ZDHHC11: variants seen among roughly 807,000 people sequenced by gnomAD.
ZDHHC11 encodes the protein palmitoyltransferase ZDHHC11.
In ZDHHC11, 44 loss-of-function variants were observed where a neutral mutation model predicts 51.3. The observed-to-expected ratio is 0.86, with a 90% CI of 0.67 to 1.10. ZDHHC11 has a LOEUF of 1.10. ZDHHC11 is among the 50% of genes least tolerant of loss of function. The pLI is 0.00. For missense variants in ZDHHC11, 400 were observed against 537.7 expected (o/e 0.74, Z 2.53); for synonymous variants, 163 against 222.0 (o/e 0.73, Z 2.36).
At chr5:851,821 C>G (rs552854812), upstream of ZDHHC11, among the ~76,000 whole-genome samples, 1 of 152,176 alleles carries the variant, frequency 6.6e-6, no homozygotes, top group Non-Finnish European at 1.5e-5. Flanking sequence ...TGTGGGAAGC[C>G]GAGGCGTGCC....
chr5:856,659 G>A (rs1262132882), intron 1 of ZDHHC11, among the ~76,000 whole-genome samples: 1 of 143,266 alleles, frequency 7.0e-6, no homozygotes, highest in East Asian at 2.1e-4. Context: ...CACACTGCAC[G>A]TGCACCACGT....
chr5:822,359 C>T lies in ZDHHC11; in HGVS notation c.1024-464G>A, dbSNP rs553784160. 3.3e-3 allele frequency among the ~76,000 whole-genome samples: 494 copies of T among 151,472 alleles called. 15 individuals carry two copies. Among genetic ancestry groups the T allele is most frequent in the African/African-American group, 4.4e-3 (181 of 41,304 alleles). ...TGGGAGAAACCAACCCTGCAGACAC[C>T]GTGCTCTGGGACTTCCAGCCTGCAG... is the stretch of plus-strand genomic sequence containing the variant. On this transcript the variant is annotated intron_variant, in intron 8 of 12. Transcript: ENST00000283441.
chr5:810,401 G>T (rs758638673), intron 11 of ZDHHC11, among the ~76,000 whole-genome samples: 1 of 151,300 alleles, frequency 6.6e-6, no homozygotes, highest in African/African-American at 2.4e-5. Context: ...CAGCAAACAC[G>T]CAGACCAGAA....
At chr5:806,796 T>TC (rs11398642) in intron 11 of ZDHHC11, among the ~76,000 whole-genome samples, 32,736 of 150,164 alleles carry the variant, frequency 0.22, 5,094 homozygotes, top group African/African-American at 0.46. Flanking sequence ...ATGAGGGAAA[T>TC]ACTGAAGAAG....
intron 10 of ZDHHC11, chr5:817,033 G>A: frequency 4.7e-6 from 1 of 212,454 alleles, no homozygotes; most frequent in Non-Finnish European, 1.0e-5. Context: ...CTGAATTACT[G>A]CCCTGGGGGG....
rs1210027816 is a variant in ZDHHC11 at position 836,861 on chromosome 5, G to A, written c.900+504C>T. Among the ~76,000 whole-genome samples the A allele has an allele frequency of 1.3e-4, 19 of 149,814 alleles. 2 individuals carry two copies. The highest frequency in any genetic ancestry group is 3.0e-5 in the Non-Finnish European group (2 of 67,200). Reference sequence around the variant, plus strand: ...GGATCACCTGAGGCCAGAAGTTTGAGACCAGCCTGGCGTGTTAAAACCACA... The same window carrying A: ...GGATCACCTGAGGCCAGAAGTTTGAAACCAGCCTGGCGTGTTAAAACCACA... On this transcript the variant is annotated intron_variant, in intron 6 of 12. Coordinates refer to ENST00000283441, the MANE Select transcript of ZDHHC11 (RefSeq NM_024786.3).
intron 11 of ZDHHC11, among the ~76,000 whole-genome samples, chr5:804,767 T>C (rs1249909237): frequency 6.6e-6 from 1 of 151,222 alleles, no homozygotes. Context: ...AATCTATCCT[T>C]CCAGAATAAA....
chr5:815,081 T>A (rs1740603252), intron 10 of ZDHHC11, among the ~76,000 whole-genome samples: 2 of 151,304 alleles, frequency 1.3e-5, no homozygotes, highest in African/African-American at 4.8e-5. Flanking sequence ...AGGTAATGGA[T>A]GTTAGATGAG....
At chr5:841,783 A>AGGCAAGGCAGAATGGCAGAGGGTGG in intron 4 of ZDHHC11, 6 of 995,932 alleles carry the variant, frequency 6.0e-6, no homozygotes, top group Non-Finnish European at 7.2e-6. Flanking sequence ...GCAGAGGGCC[A>AGGCAAGGCAGAATGGCAGAGGGTGG]GGCAAGGCAG....
intron 7 of ZDHHC11, among the ~76,000 whole-genome samples, chr5:831,713 T>C (rs1241502416): frequency 2.0e-5 from 3 of 150,248 alleles, no homozygotes; most frequent in African/African-American, 4.9e-5. Context: ...CATCACTAAT[T>C]AACAGGGAAA....
In ZDHHC11 at chr5:802,515, T is replaced by G. The variant is rs761482539; in HGVS notation, c.1182-1351A>C. The stretch of plus-strand genomic sequence containing the variant: ...TGTTGTAAAAGTGTGTAAGTATGTA[T>G]ATAAAAATGGAGAGGAAGTTTACCT... On this transcript the variant is annotated intron_variant, in intron 11 of 12. Transcript: ENST00000283441. Among the ~76,000 whole-genome samples the G allele has an allele frequency of 7.9e-5, 12 of 151,110 alleles. 1 individual carries two copies. Among genetic ancestry groups the G allele is most frequent in the African/African-American group, 2.9e-4 (12 of 41,226 alleles).
At chr5:831,862 T>C (rs1743123508) in intron 7 of ZDHHC11, among the ~76,000 whole-genome samples, 1 of 148,266 alleles carries the variant, frequency 6.7e-6, no homozygotes, top group East Asian at 2.0e-4. Flanking sequence ...TGTAAACTAG[T>C]ACAACTACTA....
At chr5:858,305 C>CCGTCCTGTCTTT (rs1748565320) in intron 1 of ZDHHC11, among the ~76,000 whole-genome samples, 19 of 140,666 alleles carry the variant, frequency 1.4e-4, no homozygotes, top group Non-Finnish European at 2.0e-4. Flanking sequence ...GTCCAGGTCC[C>CCGTCCTGTCTTT]AACCCTGTCT....
intron 11 of ZDHHC11, among the ~76,000 whole-genome samples, chr5:804,398 C>T (rs1738946850): frequency 6.6e-6 from 1 of 151,042 alleles, no homozygotes; most frequent in African/African-American, 2.4e-5. Context: ...GGAACGTATC[C>T]CCCACAGATA....
intron 1 of ZDHHC11, 120 bp from the exon 2 acceptor site, chr5:848,780 C>T: frequency 1.4e-6 from 2 of 1,417,452 alleles, no homozygotes; most frequent in Non-Finnish European, 1.9e-6. Context: ...CCCAGCCCTG[C>T]ACACGTGAGC....
At chr5:816,624 C>T in intron 10 of ZDHHC11, 1 of 627,734 alleles carries the variant, frequency 1.6e-6, no homozygotes, top group Non-Finnish European at 3.1e-6. Flanking sequence ...TGTTGCTTTG[C>T]CATAGTGGCT....
chr5:814,462 T>G lies in ZDHHC11; in HGVS notation c.1181+299A>C, dbSNP rs1012052871. Among the ~76,000 whole-genome samples, 31 of 151,472 alleles carry G rather than the reference T, an allele frequency of 2.0e-4. 1 individual carries two copies. The highest frequency in any genetic ancestry group is 1.9e-3 in the Admixed American group (29 of 15,208). ...TCTCAATGAAACACTATTAGAAACA[T>G]TAAAAAACATTCAGGCTGACAACAT... On this transcript the variant is annotated intron_variant, in intron 11 of 12. Coordinates refer to ENST00000283441, the MANE Select transcript of ZDHHC11 (RefSeq NM_024786.3).
Position 840,601 on chromosome 5 carries a change from C to T in ZDHHC11, c.678G>A (p.Val226=). 7 of 1,613,916 alleles carry T rather than the reference C, an allele frequency of 4.3e-6. No homozygotes were observed. The highest frequency in any genetic ancestry group is 5.9e-6 in the Non-Finnish European group (7 of 1,179,876). The change falls in exon 5 of 13, where the codon GTG becomes GTA. Residue 226 remains valine, a synonymous_variant. Coordinates refer to ENST00000283441, the MANE Select transcript of ZDHHC11 (RefSeq NM_024786.3). ...TCACGACTATCAGGGTCTGCACCTG[C>T]ACCGGGAACAGGGGGAGGAACAGCA... ...TWLLFLPLFP[V]QVQTLIVVII...
intron 7 of ZDHHC11, among the ~76,000 whole-genome samples, chr5:827,875 A>G (rs1742501618): frequency 6.6e-6 from 1 of 151,118 alleles, no homozygotes; most frequent in African/African-American, 2.4e-5. Flanking sequence ...TCCTAGGCAG[A>G]GGACCCAGCG....
Sources: gnomAD v4.1 joint callset for allele counts (sites outside exome capture counted in the v4.1 genomes callset) on GRCh38, gnomAD v4.1.1 for gene constraint, MANE v1.5 for transcripts, NCBI Gene and HGNC (gene_info 2026-07-23, HGNC 2026-07-21) for gene names.